Variants in CFH observed in about 807,000 individuals in gnomAD.
CFH encodes H factor 1 (complement).
CFH carries 53 observed loss-of-function variants against 147.3 expected under a neutral mutation model. That is an observed-to-expected ratio of 0.36 (90% confidence interval 0.29 to 0.45). CFH has a LOEUF of 0.45. CFH is among the 20% of genes least tolerant of loss of function. The pLI is 1.00. For missense variants in CFH, 1,380 were observed against 1,498.0 expected (o/e 0.92, Z 1.30); for synonymous variants, 536 against 489.4 (o/e 1.10, Z -1.26).
At position 196,675,981 on chromosome 1, in the gene CFH, G is replaced by GT; in HGVS notation, c.351-4dup. On this transcript the variant is annotated splice_region_variant and splice_polypyrimidine_tract_variant and intron_variant, in intron 3 of 21. Transcript: ENST00000367429. ...TATGTCAACGTTCTGTTATTTTTTG[G>GT]TTTTCAGGTATCAATTGCTAGGTGA... is the stretch of plus-strand genomic sequence containing the variant. 7 of 1,599,098 alleles carry GT rather than the reference G, an allele frequency of 4.4e-6. No homozygotes were observed. The highest frequency in any genetic ancestry group is 5.1e-6 in the Non-Finnish European group (6 of 1,167,564).
intron 10 of CFH, among the ~76,000 whole-genome samples, chr1:196,714,844 G>A (rs1264875629): frequency 1.3e-5 from 2 of 150,156 alleles, no homozygotes; most frequent in African/African-American, 4.9e-5. Context: ...GGGATTACAG[G>A]CACCCTCCAT....
intron 18 of CFH, 128 bp downstream of exon 18, chr1:196,740,920 G>T: frequency 1.0e-6 from 1 of 958,480 alleles, no homozygotes; most frequent in Non-Finnish European, 1.6e-6. Context: ...CTGGACTGCT[G>T]TGGGAAATTA....
chr1:196,721,873 C>T (rs1238687025), intron 11 of CFH, among the ~76,000 whole-genome samples: 1 of 150,834 alleles, frequency 6.6e-6, no homozygotes, highest in Non-Finnish European at 1.5e-5. Flanking sequence ...ATACCAAATG[C>T]TTTTTGTTTC....
At chr1:196,667,245 A>G (rs563870169) in intron 1 of CFH, among the ~76,000 whole-genome samples, 1 of 152,302 alleles carries the variant, frequency 6.6e-6, no homozygotes, top group South Asian at 2.1e-4. Flanking sequence ...AAATTTGCTG[A>G]GTTTCATGGT....
intron 6 of CFH, among the ~76,000 whole-genome samples, chr1:196,682,751 A>C (rs2149083950): frequency 6.6e-6 from 1 of 151,748 alleles, no homozygotes; most frequent in East Asian, 1.9e-4. Context: ...TTTTTACATA[A>C]AATAGTAAAA....
intron 1 of CFH, among the ~76,000 whole-genome samples, chr1:196,658,407 ATTTT>A (rs549213437): frequency 4.6e-4 from 42 of 92,250 alleles, no homozygotes; most frequent in African/African-American, 1.5e-3. Context: ...TGCTCAGGTA[ATTTT>A]TTTTTTTTTT....
intron 1 of CFH, among the ~76,000 whole-genome samples, chr1:196,668,388 T>C (rs1309484677): frequency 6.6e-6 from 1 of 152,226 alleles, no homozygotes; most frequent in Non-Finnish European, 1.5e-5. Flanking sequence ...AAGACATATA[T>C]ATTCAGACTT....
chr1:196,722,477 G>A (rs571575858), intron 11 of CFH, among the ~76,000 whole-genome samples: 2 of 152,084 alleles, frequency 1.3e-5, no homozygotes, highest in African/African-American at 2.4e-5. Flanking sequence ...CGAGATTTCC[G>A]TTATAGTTGA....
At chr1:196,704,741 T>A (rs527338156) in intron 9 of CFH, among the ~76,000 whole-genome samples, 83 of 152,344 alleles carry the variant, frequency 5.4e-4, no homozygotes, top group Non-Finnish European at 1.0e-3. Context: ...ACAGGAAGAA[T>A]TCCTTGTTTC....
chr1:196,746,995 T>C lies in CFH; in HGVS notation c.3494-116T>C, dbSNP rs536539. On this transcript the variant is annotated intron_variant, in intron 21 of 21. Coordinates refer to ENST00000367429, the MANE Select transcript of CFH (RefSeq NM_000186.4). ...GATGTTTCTACATAGTTGGTTTGGA[T>C]AGTGTTTTGAGAAATAATTCCTGAA... The C allele has an allele frequency of 8.9e-3, 13,612 of 1,536,810 alleles. 1,079 individuals are homozygous for C. The African/African-American group carries it at 0.16, about 19-fold the overall frequency.
intron 6 of CFH, among the ~76,000 whole-genome samples, chr1:196,683,935 G>T (rs1192072986): frequency 6.6e-6 from 1 of 151,746 alleles, no homozygotes; most frequent in Non-Finnish European, 1.5e-5. Context: ...TATATAAATG[G>T]ATTTCAAGCA....
intron 9 of CFH, among the ~76,000 whole-genome samples, chr1:196,703,035 A>G (rs1395852040): frequency 6.6e-6 from 1 of 152,238 alleles, no homozygotes; most frequent in African/African-American, 2.4e-5. Flanking sequence ...AAGTTACAAA[A>G]CGTAGCTGAG....
chr1:196,690,902 A>G (rs997484677), intron 9 of CFH, among the ~76,000 whole-genome samples: 1 of 152,108 alleles, frequency 6.6e-6, no homozygotes, highest in African/African-American at 2.4e-5. Flanking sequence ...GTGGCTGGCA[A>G]AGAGAAAGGA....
At chr1:196,657,438 A>C (rs887661136) in intron 1 of CFH, among the ~76,000 whole-genome samples, 2 of 152,178 alleles carry the variant, frequency 1.3e-5, no homozygotes, top group African/African-American at 4.8e-5. Context: ...ACCTGGGTCA[A>C]AAATACAGTA....
At chr1:196,702,951 A>AC (rs1668497406) in intron 9 of CFH, among the ~76,000 whole-genome samples, 1 of 152,148 alleles carries the variant, frequency 6.6e-6, no homozygotes, top group African/African-American at 2.4e-5. Context: ...ATGGATATTG[A>AC]CCCAGAAGCC....
intron 9 of CFH, among the ~76,000 whole-genome samples, chr1:196,703,585 T>G (rs928923672): frequency 1.3e-5 from 2 of 152,118 alleles, no homozygotes; most frequent in Admixed American, 1.3e-4. Context: ...TATCTGGTGG[T>G]CTAAACTTTC....
At chr1:196,664,720 A>G (rs1215797393) in intron 1 of CFH, among the ~76,000 whole-genome samples, 1 of 152,074 alleles carries the variant, frequency 6.6e-6, no homozygotes, top group East Asian at 1.9e-4. Context: ...TATTACCCAA[A>G]CCACAATTTT....
intron 7 of CFH, among the ~76,000 whole-genome samples, chr1:196,688,478 G>T (rs541297968): frequency 6.6e-6 from 1 of 151,940 alleles, no homozygotes; most frequent in African/African-American, 2.4e-5. Flanking sequence ...TGGAGAACTT[G>T]GCTTAATGAA....
At position 196,677,626 on chromosome 1, in the gene CFH, C is replaced by T. The variant is rs1667504275; in HGVS notation, c.578C>T (p.Ser193Leu). The change falls in exon 5 of 22, where the codon TCA (serine) becomes TTA (leucine). Residue 193 changes from serine (S) to leucine (L), a missense_variant. This residue lies in a region of CFH where 260 missense variants were observed against 263.3 expected (regional missense o/e 0.99). Coordinates refer to ENST00000367429, the MANE Select transcript of CFH (RefSeq NM_000186.4). ...GAAGGAGATGAAGAAATGCATTGTT[C>T]AGACGATGGTTTTTGGAGTAAAGAG... ...KIEGDEEMHC[S>L]DDGFWSKEKP... is the part of the protein sequence containing the mutation. 1.9e-6 allele frequency: 3 copies of T among 1,612,874 alleles called. No individual in the cohort carries two copies. Among genetic ancestry groups the T allele is most frequent in the Non-Finnish European group, 2.5e-6 (3 of 1,179,274 alleles).
Sources: allele counts gnomAD v4.1 joint callset (sites outside exome capture counted in the v4.1 genomes callset), GRCh38; gene constraint gnomAD v4.1.1; regional missense constraint gnomAD v4.1.1; transcripts MANE v1.5; gene names NCBI Gene and HGNC (gene_info 2026-07-23, HGNC 2026-07-21).